The following DDX10 variants were observed in gnomAD, a reference collection of about 807,000 sequenced individuals.
DDX10 encodes the protein probable ATP-dependent RNA helicase DDX10.
Under a neutral mutation model 104.3 loss-of-function variants are expected in DDX10, and 74 were observed. That is an observed-to-expected ratio of 0.71 (90% CI 0.59 to 0.86). The LOEUF is 0.86. Ranked by LOEUF, DDX10 falls within the 40% of genes least tolerant of loss-of-function variation. DDX10 has a pLI of 0.00. For synonymous variants in DDX10, 351 were observed against 353.4 expected, an observed-to-expected ratio of 0.99 and a Z score of 0.08; for missense variants, 952 against 1,040.0, an observed-to-expected ratio of 0.92 and a Z score of 1.16.
intron 1 of DDX10, among the ~76,000 whole-genome samples, chr11:108,666,840 G>A (rs57535472): frequency 0.12 from 18,405 of 152,206 alleles, 1,526 homozygotes; most frequent in East Asian, 0.27. Flanking sequence ...CTTTTGCCAT[G>A]TAAGGTAACA....
At chr11:108,703,528 C>T (rs2094271522) in intron 9 of DDX10, among the ~76,000 whole-genome samples, 1 of 152,118 alleles carries the variant, frequency 6.6e-6, no homozygotes. Context: ...CAGGGTTTCA[C>T]CATGTTGGCC....
At chr11:108,757,193 T>C (rs2094345483) in intron 13 of DDX10, among the ~76,000 whole-genome samples, 1 of 152,052 alleles carries the variant, frequency 6.6e-6, no homozygotes, top group South Asian at 2.1e-4. Flanking sequence ...TTCACCTCTG[T>C]CTTCTTCCTT....
intron 13 of DDX10, among the ~76,000 whole-genome samples, chr11:108,728,501 G>GTTTTTTTTT (rs1565260503): frequency 1.0e-4 from 7 of 66,910 alleles, no homozygotes; most frequent in African/African-American, 5.6e-4. Flanking sequence ...ATACACATTT[G>GTTTTTTTTT]TTCTTTTTTT....
chr11:108,856,559 C>T (rs539077232), intron 16 of DDX10, among the ~76,000 whole-genome samples: 1 of 152,160 alleles, frequency 6.6e-6, no homozygotes, highest in Admixed American at 6.5e-5. Flanking sequence ...TACTGGTCTT[C>T]AATGACTTTT....
At chr11:108,832,328 G>A (rs1862484114) in intron 13 of DDX10, among the ~76,000 whole-genome samples, 1 of 152,120 alleles carries the variant, frequency 6.6e-6, no homozygotes, top group African/African-American at 2.4e-5. Context: ...TACTAAAATT[G>A]ATTACATAAA....
intron 16 of DDX10, among the ~76,000 whole-genome samples, chr11:108,869,681 A>G (rs1346848454): frequency 1.3e-5 from 2 of 152,142 alleles, no homozygotes; most frequent in Non-Finnish European, 2.9e-5. Context: ...GATATGTTCA[A>G]ACTTTTATGA....
intron 6 of DDX10, among the ~76,000 whole-genome samples, chr11:108,684,518 A>G (rs2094240618): frequency 6.7e-6 from 1 of 149,614 alleles, no homozygotes; most frequent in Non-Finnish European, 1.5e-5. Context: ...TGTCCCTACA[A>G]AGGACATGAA....
At chr11:108,835,961 TC>T (rs1281421177) in intron 13 of DDX10, among the ~76,000 whole-genome samples, 1 of 152,060 alleles carries the variant, frequency 6.6e-6, no homozygotes, top group Non-Finnish European at 1.5e-5. Flanking sequence ...GGCCTTACGG[TC>T]CCCGCCCCCA....
chr11:108,870,508 T>C (rs1013296218), intron 16 of DDX10, among the ~76,000 whole-genome samples: 4 of 152,186 alleles, frequency 2.6e-5, no homozygotes, highest in African/African-American at 7.2e-5. Flanking sequence ...AACTTTAGAC[T>C]GTCTAATTAC....
intron 13 of DDX10, among the ~76,000 whole-genome samples, chr11:108,774,199 C>T (rs756910720): frequency 6.6e-6 from 1 of 152,156 alleles, no homozygotes; most frequent in Non-Finnish European, 1.5e-5. Flanking sequence ...TAAGGAAATA[C>T]GTTTTGCCTT....
At chr11:108,728,049 GAAAA>G in intron 13 of DDX10, among the ~76,000 whole-genome samples, 1 of 143,248 alleles carries the variant, frequency 7.0e-6, no homozygotes, top group South Asian at 2.2e-4. Context: ...AATGAAAAAA[GAAAA>G]AAAAAACCCA....
chr11:108,815,964 T>C (rs1372461113), intron 13 of DDX10, among the ~76,000 whole-genome samples: 1 of 152,234 alleles, frequency 6.6e-6, no homozygotes, highest in East Asian at 1.9e-4. Flanking sequence ...TCCCTGCCAA[T>C]CTGTTGAAAC....
intron 9 of DDX10, among the ~76,000 whole-genome samples, chr11:108,705,425 T>C (rs904771763): frequency 1.3e-5 from 2 of 152,240 alleles, no homozygotes; most frequent in African/African-American, 4.8e-5. Flanking sequence ...TTTGTTTTTC[T>C]CTGGCTAACC....
intron 13 of DDX10, among the ~76,000 whole-genome samples, chr11:108,806,252 C>T (rs61915166): frequency 0.024 from 3,697 of 152,250 alleles, 57 homozygotes; most frequent in Non-Finnish European, 0.034. Flanking sequence ...CGTGAGCCAC[C>T]GTGCCTGGCC....
At chr11:108,751,945 G>A (rs2094339254) in intron 13 of DDX10, among the ~76,000 whole-genome samples, 1 of 152,078 alleles carries the variant, frequency 6.6e-6, no homozygotes, top group Admixed American at 6.6e-5. Flanking sequence ...TTTGAGCCGA[G>A]ATGGGAATTA....
At chr11:108,868,008 A>G (rs1863029374) in intron 16 of DDX10, among the ~76,000 whole-genome samples, 1 of 152,080 alleles carries the variant, frequency 6.6e-6, no homozygotes, top group East Asian at 1.9e-4. Flanking sequence ...AGCTTGAGGA[A>G]ACTCCTAGTT....
At chr11:108,861,493 A>G (rs757342279) in intron 16 of DDX10, among the ~76,000 whole-genome samples, 3 of 152,218 alleles carry the variant, frequency 2.0e-5, no homozygotes, top group Non-Finnish European at 2.9e-5. Flanking sequence ...GCTACATCCA[A>G]TAATGGGCAA....
At chr11:108,732,807 A>T (rs1270454569) in intron 13 of DDX10, among the ~76,000 whole-genome samples, 1 of 152,176 alleles carries the variant, frequency 6.6e-6, no homozygotes, top group Admixed American at 6.5e-5. Context: ...CTCCAGGGAG[A>T]CAGTGTTAGA....
intron 6 of DDX10, among the ~76,000 whole-genome samples, chr11:108,683,813 A>G (rs1298138165): frequency 1.3e-5 from 2 of 152,216 alleles, no homozygotes; most frequent in Non-Finnish European, 2.9e-5. Context: ...ATTAGAATGT[A>G]TGCTGTAACA....
Sources: allele counts gnomAD v4.1 joint callset (sites outside exome capture counted in the v4.1 genomes callset), GRCh38; gene constraint gnomAD v4.1.1; transcripts MANE v1.5; gene names NCBI Gene and HGNC (gene_info 2026-07-23, HGNC 2026-07-21).